CNOT6L: variants seen among roughly 807,000 people sequenced by gnomAD.
CNOT6L encodes CCR4-NOT transcription complex subunit 6 like, also known as CCR4-NOT transcription complex subunit 6-like.
Under a neutral mutation model 64.0 loss-of-function variants are expected in CNOT6L, and 7 were observed. The ratio of observed to expected loss-of-function variants is 0.11; its 90% CI spans 0.06 to 0.21. CNOT6L has a LOEUF of 0.21. CNOT6L is among the 10% of genes least tolerant of loss of function. The probability of loss-of-function intolerance (pLI) is 1.00; values close to 1 mark genes in which losing one functional copy is unlikely to be tolerated. For synonymous variants in CNOT6L, 193 were observed against 243.4 expected (o/e 0.79, Z 1.93); for missense variants, 245 against 669.0 (o/e 0.37, Z 6.99).
At chr4:77,774,243 C>G (rs1281144130) in intron 3 of CNOT6L, among the ~76,000 whole-genome samples, 1 of 152,112 alleles carries the variant, frequency 6.6e-6, no homozygotes, top group Non-Finnish European at 1.5e-5. Flanking sequence ...TTTTCAAGTA[C>G]TTCTAATCAG....
At chr4:77,807,910 A>G (rs923349640) in intron 1 of CNOT6L, among the ~76,000 whole-genome samples, 1 of 152,108 alleles carries the variant, frequency 6.6e-6, no homozygotes, top group Non-Finnish European at 1.5e-5. Context: ...AATAATATCA[A>G]CTTTACCAGG....
intron 1 of CNOT6L, among the ~76,000 whole-genome samples, chr4:77,804,886 G>C (rs1453435773): frequency 6.6e-6 from 1 of 152,124 alleles, no homozygotes. Context: ...ACCTATTTTA[G>C]TTATGTTTTT....
intron 5 of CNOT6L, among the ~76,000 whole-genome samples, chr4:77,749,955 A>C (rs1577945773): frequency 6.6e-6 from 1 of 152,354 alleles, no homozygotes; most frequent in Non-Finnish European, 1.5e-5. Context: ...CATTGTTTAT[A>C]TTAACGAAAG....
chr4:77,819,050 A>ACACACACACACG lies in CNOT6L; in HGVS notation c.5+253_5+254insCGTGTGTGTGTG, dbSNP rs767600970. The ACACACACACACG allele has an allele frequency of 1.3e-4, 60 of 465,894 alleles. 2 individuals are homozygous for ACACACACACACG. Among genetic ancestry groups the ACACACACACACG allele is most frequent in the Admixed American group, 1.0e-3 (30 of 29,048 alleles). 28.9% of individuals were successfully genotyped at this position (465,894 alleles called of 1,614,324 possible). A position where few individuals can be genotyped will look rare whatever the true frequency, so the allele number is the denominator to read the frequency against. ...GGGTCCCGGCCCCGGGCCACCCCCG[A>ACACACACACACG]CACACACACACACACACACACACAC... On this transcript the variant is annotated intron_variant, in intron 1 of 11. Transcript: ENST00000504123.
At position 77,776,411 on chromosome 4, in the gene CNOT6L, G is replaced by A. The variant is rs529779819; in HGVS notation, c.6-19C>T. The A allele has an allele frequency of 7.9e-4, 962 of 1,223,370 alleles. 7 individuals carry two copies. The African/African-American group carries it at 0.013, about 17-fold the overall frequency. 75.8% of individuals were successfully genotyped at this position (1,223,370 alleles called of 1,614,324 possible). ...TATTAGTCTGTTTAAAAAAAAAAAG[G>A]AGGAGATCAATAATTATTATAGTCT... On this transcript the variant is annotated intron_variant, in intron 1 of 11. Transcript: ENST00000504123.
chr4:77,779,072 AACAC>A (rs1422544585), intron 1 of CNOT6L, among the ~76,000 whole-genome samples: 7 of 107,498 alleles, frequency 6.5e-5, no homozygotes, highest in Non-Finnish European at 1.0e-4. Context: ...ACAAAAAAAA[AACAC>A]AAAAAACACA....
At chr4:77,794,390 C>T (rs1043935507) in intron 1 of CNOT6L, among the ~76,000 whole-genome samples, 53 of 151,936 alleles carry the variant, frequency 3.5e-4, no homozygotes, top group African/African-American at 1.3e-3. Flanking sequence ...TGAAGTTTAG[C>T]AAATTAAATC....
chr4:77,735,108 G>T (rs1165571033), intron 8 of CNOT6L, among the ~76,000 whole-genome samples: 1 of 152,072 alleles, frequency 6.6e-6, no homozygotes, highest in East Asian at 1.9e-4. Flanking sequence ...ATTAGAAATC[G>T]AAAGCAAAAG....
At chr4:77,783,616 GGT>G (rs1317759050) in intron 1 of CNOT6L, among the ~76,000 whole-genome samples, 1 of 152,166 alleles carries the variant, frequency 6.6e-6, no homozygotes. Flanking sequence ...GTCAAGAATA[GGT>G]GGAGAGAACA....
chr4:77,763,764 C>T lies in CNOT6L; in HGVS notation c.401-6813G>A, dbSNP rs541194248. Among the ~76,000 whole-genome samples, 8 of 152,266 alleles carry T rather than the reference C, an allele frequency of 5.3e-5. No homozygotes were observed. The East Asian group carries it at 1.5e-3, about 29-fold the overall frequency. On this transcript the variant is annotated intron_variant, in intron 4 of 11. Transcript: ENST00000504123. ...ATATACTATGCCATAGGGCAAGAAT[C>T]AACAAATGTCACAGAACTGGTTCAT...
chr4:77,794,409 TA>T (rs776303462), intron 1 of CNOT6L, among the ~76,000 whole-genome samples: 1 of 151,274 alleles, frequency 6.6e-6, no homozygotes. Context: ...TCCAGCAATA[TA>T]AAAAAAAGAG....
chr4:77,798,418 C>G (rs957453587), intron 1 of CNOT6L, among the ~76,000 whole-genome samples: 1 of 151,978 alleles, frequency 6.6e-6, no homozygotes, highest in African/African-American at 2.4e-5. Context: ...AAAGAACTGT[C>G]AAAATTCAGT....
At chr4:77,758,997 T>C (rs1725868392) in intron 4 of CNOT6L, among the ~76,000 whole-genome samples, 1 of 151,956 alleles carries the variant, frequency 6.6e-6, no homozygotes, top group Non-Finnish European at 1.5e-5. Context: ...TACAGGACTA[T>C]AGGGCACTTC....
At chr4:77,819,433 A>G, upstream of CNOT6L, 3 of 1,580,224 alleles carry the variant, frequency 1.9e-6, no homozygotes, top group Non-Finnish European at 2.6e-6. Flanking sequence ...CCGCGGCCGC[A>G]GACGCAGACG....
chr4:77,808,143 T>A (rs1732465530), intron 1 of CNOT6L, among the ~76,000 whole-genome samples: 1 of 151,940 alleles, frequency 6.6e-6, no homozygotes, highest in Admixed American at 6.6e-5. Flanking sequence ...AAAGCCAAAA[T>A]ATTTACATCT....
intron 1 of CNOT6L, among the ~76,000 whole-genome samples, chr4:77,800,431 A>T (rs1361729171): frequency 6.6e-6 from 1 of 151,910 alleles, no homozygotes; most frequent in Non-Finnish European, 1.5e-5. Context: ...TAGGAGGATT[A>T]CTTGAGCCCA....
intron 4 of CNOT6L, among the ~76,000 whole-genome samples, chr4:77,767,351 T>A (rs1237255454): frequency 6.6e-6 from 1 of 152,116 alleles, no homozygotes; most frequent in African/African-American, 2.4e-5. Context: ...CTGTTTCTTA[T>A]GTATGAGGAA....
intron 1 of CNOT6L, among the ~76,000 whole-genome samples, chr4:77,800,542 G>A (rs920718622): frequency 6.6e-6 from 1 of 151,938 alleles, no homozygotes; most frequent in African/African-American, 2.4e-5. Flanking sequence ...ATAAAGTCTT[G>A]TATACAAAGT....
intron 1 of CNOT6L, among the ~76,000 whole-genome samples, chr4:77,811,873 T>C (rs1004120486): frequency 1.7e-5 from 1 of 59,422 alleles, no homozygotes; most frequent in Admixed American, 2.1e-4. Flanking sequence ...AAGGAGCAGT[T>C]TAAAAAAAAA....
Sources: allele counts gnomAD v4.1 joint callset (sites outside exome capture counted in the v4.1 genomes callset), GRCh38; gene constraint gnomAD v4.1.1; transcripts MANE v1.5; gene names NCBI Gene and HGNC (gene_info 2026-07-23, HGNC 2026-07-21).